Variants in PLGRKT observed in about 807,000 individuals in gnomAD.
PLGRKT encodes plasminogen receptor (KT).
Under a neutral mutation model 18.5 loss-of-function variants are expected in PLGRKT, and 22 were observed. The observed-to-expected ratio is 1.19, with a 90% CI of 0.85 to 1.70. The LOEUF (loss-of-function observed/expected upper bound fraction) is 1.70, where lower values mean the gene tolerates loss of function less well. PLGRKT is among the 40% of genes most tolerant of loss of function. The pLI, the probability that PLGRKT is intolerant of heterozygous loss-of-function variation, is 0.00. For missense variants in PLGRKT, 235 were observed against 174.4 expected, an observed-to-expected ratio of 1.35 and a Z score of -1.96; for synonymous variants, 72 against 52.8, an observed-to-expected ratio of 1.36 and a Z score of -1.58.
intron 2 of PLGRKT, among the ~76,000 whole-genome samples, chr9:5,435,336 A>AAG (rs1554635743): frequency 3.3e-5 from 5 of 150,314 alleles, no homozygotes; most frequent in Admixed American, 1.3e-4. Context: ...AAAAAAAAAA[A>AAG]AAGAAGAAGA....
At chr9:5,363,543 T>C (rs986692907) in intron 3 of PLGRKT, among the ~76,000 whole-genome samples, 4 of 152,112 alleles carry the variant, frequency 2.6e-5, no homozygotes, top group Non-Finnish European at 5.9e-5. Flanking sequence ...GAGACGGAAG[T>C]GGCCTCTCTT....
At chr9:5,419,020 G>T in intron 3 of PLGRKT, 1 of 510,836 alleles carries the variant, frequency 2.0e-6, no homozygotes, top group Admixed American at 2.8e-5. Flanking sequence ...GGAAGGGGAG[G>T]GAGCTGGTCT....
intron 3 of PLGRKT, among the ~76,000 whole-genome samples, chr9:5,406,366 C>T (rs1252093900): frequency 2.0e-5 from 3 of 152,120 alleles, no homozygotes; most frequent in Non-Finnish European, 2.9e-5. Context: ...ACCCAAATGC[C>T]CATCAATAAC....
intron 3 of PLGRKT, among the ~76,000 whole-genome samples, chr9:5,414,953 T>C (rs1818430920): frequency 6.6e-6 from 1 of 152,224 alleles, no homozygotes; most frequent in African/African-American, 2.4e-5. Flanking sequence ...TAAATACAGA[T>C]GTGTGTCTAT....
At chr9:5,424,612 TTATTA>T (rs201043175) in intron 3 of PLGRKT, among the ~76,000 whole-genome samples, 6,908 of 133,114 alleles carry the variant, frequency 0.052, 253 homozygotes, top group South Asian at 0.14. Flanking sequence ...AATATATTAT[TTATTA>T]TATTATATTA....
chr9:5,420,437 T>A (rs1461945411), intron 3 of PLGRKT, among the ~76,000 whole-genome samples: 16 of 152,186 alleles, frequency 1.1e-4, no homozygotes, highest in Admixed American at 5.9e-4. Context: ...AAAATTAACT[T>A]CAGAAGAATG....
At chr9:5,390,446 G>T (rs1388291463) in intron 3 of PLGRKT, among the ~76,000 whole-genome samples, 1 of 151,870 alleles carries the variant, frequency 6.6e-6, no homozygotes, top group Non-Finnish European at 1.5e-5. Flanking sequence ...GGCAGGCTGA[G>T]GGGGCTGAAG....
intron 3 of PLGRKT, among the ~76,000 whole-genome samples, chr9:5,409,392 C>T (rs1210944632): frequency 1.3e-5 from 2 of 152,156 alleles, no homozygotes; most frequent in Admixed American, 6.5e-5. Flanking sequence ...ATCTTTCTCC[C>T]GTGCTGGATG....
chr9:5,432,474 A>G (rs184481842), intron 2 of PLGRKT, among the ~76,000 whole-genome samples: 44 of 152,216 alleles, frequency 2.9e-4, no homozygotes, highest in African/African-American at 8.9e-4. Flanking sequence ...TTGCGTTTTA[A>G]GAAGATTGAG....
chr9:5,421,454 G>A (rs893899974), intron 3 of PLGRKT, among the ~76,000 whole-genome samples: 2 of 152,186 alleles, frequency 1.3e-5, no homozygotes, highest in Non-Finnish European at 2.9e-5. Context: ...CTCTGTGTTT[G>A]TTGGTTTGTT....
chr9:5,399,267 C>T (rs190762427), intron 3 of PLGRKT, among the ~76,000 whole-genome samples: 1 of 151,958 alleles, frequency 6.6e-6, no homozygotes, highest in East Asian at 1.9e-4. Flanking sequence ...CAATTTAATT[C>T]ATAGACCAGC....
intron 3 of PLGRKT, among the ~76,000 whole-genome samples, chr9:5,370,643 G>A (rs1240099093): frequency 2.0e-5 from 3 of 152,132 alleles, no homozygotes; most frequent in African/African-American, 4.8e-5. Context: ...ACCACAAAAG[G>A]TCATGTAGAC....
chr9:5,358,098 A>C lies in PLGRKT; in HGVS notation c.*141T>G. 1.7e-6 allele frequency: 1 copy of C among 579,204 alleles called. No individual in the cohort carries two copies. The highest frequency in any genetic ancestry group is 2.8e-6 in the Non-Finnish European group (1 of 352,306). The allele number at this position is 579,204 out of a possible 1,614,324, so 35.9% of individuals were successfully genotyped here. On this transcript the variant is annotated 3_prime_UTR_variant, in exon 6 of 6. Coordinates refer to ENST00000223864, the MANE Select transcript of PLGRKT (RefSeq NM_018465.4). ...TGTTGAATGTTATAAATTTTATTTT[A>C]AAATAGCTCAAAACTATCTTGCATT... is the stretch of plus-strand genomic sequence containing the variant.
rs1418796598 is a variant in PLGRKT at position 5,358,169 on chromosome 9, T to A, written c.*70A>T. 8.6e-7 allele frequency: 1 copy of A among 1,165,470 alleles called. No homozygotes were observed. Among genetic ancestry groups the A allele is most frequent in the Non-Finnish European group, 1.2e-6 (1 of 818,674 alleles). 72.2% of individuals were successfully genotyped at this position (1,165,470 alleles called of 1,614,324 possible). On this transcript the variant is annotated 3_prime_UTR_variant, in exon 6 of 6. Coordinates refer to ENST00000223864, the MANE Select transcript of PLGRKT (RefSeq NM_018465.4). ...CTATAATATCAAAATCTTGAGCATT[T>A]AAAAAACTGTAAAAACCATGATTCA...
At position 5,428,984 on chromosome 9, in the gene PLGRKT, G is replaced by A. The variant is rs1001990723; in HGVS notation, c.81+2913C>T. ...CCCAGTGTGCTGGGATTACAGGTGT[G>A]AGTCATCATGCTTGATCACATGTAT... On this transcript the variant is annotated intron_variant, in intron 3 of 5. Coordinates refer to ENST00000223864, the MANE Select transcript of PLGRKT (RefSeq NM_018465.4). Among the ~76,000 whole-genome samples the A allele has an allele frequency of 6.6e-5, 10 of 152,320 alleles. No individual in the cohort carries two copies. In the East Asian group the frequency reaches 1.3e-3, roughly 21 times the overall value.
In PLGRKT at chr9:5,418,618, A is replaced by C; in HGVS notation, c.81+13279T>G. On this transcript the variant is annotated intron_variant, in intron 3 of 5. Transcript: ENST00000223864. This position sits in a 1 kb window ranked among gnomAD's most constrained non-coding sequence, Gnocchi z 4.2. ...GGACTTCTGCCGGTTCCTGGGCAGC[A>C]GGTGGCGGCTCATATCTCCGGGCAG... 2.8e-6 allele frequency: 2 copies of C among 720,886 alleles called. No individual in the cohort carries two copies. Among genetic ancestry groups the C allele is most frequent in the South Asian group, 2.9e-5 (2 of 69,984 alleles). The allele number at this position is 720,886 out of a possible 1,614,324, so 44.7% of individuals were successfully genotyped here.
intron 3 of PLGRKT, among the ~76,000 whole-genome samples, chr9:5,401,928 A>G (rs908545549): frequency 1.3e-5 from 2 of 151,964 alleles, no homozygotes; most frequent in Non-Finnish European, 2.9e-5. Context: ...TCTTTGGTCA[A>G]CAGACACTTG....
intron 3 of PLGRKT, among the ~76,000 whole-genome samples, chr9:5,387,351 C>G (rs1360507867): frequency 6.6e-6 from 1 of 151,848 alleles, no homozygotes; most frequent in East Asian, 1.9e-4. Flanking sequence ...AACACATTTT[C>G]ATTCATAGCA....
chr9:5,429,471 C>T (rs75392187), intron 3 of PLGRKT, among the ~76,000 whole-genome samples: 2 of 152,212 alleles, frequency 1.3e-5, no homozygotes, highest in Non-Finnish European at 2.9e-5. Context: ...AATCTAAAAT[C>T]AAGGTGTCTG....
Sources: gnomAD v4.1 joint callset for allele counts (sites outside exome capture counted in the v4.1 genomes callset) on GRCh38, gnomAD v4.1.1 for gene constraint, Gnocchi (gnomAD v3.1) non-coding constraint, MANE v1.5 for transcripts, NCBI Gene and HGNC (gene_info 2026-07-23, HGNC 2026-07-21) for gene names.